Variants in NTRK2 observed in about 807,000 individuals in gnomAD.
NTRK2 encodes neurotrophic receptor tyrosine kinase 2, also known as BDNF/NT-3 growth factors receptor.
A neutral mutation model predicts 94.5 loss-of-function variants in NTRK2; 13 were observed. The ratio of observed to expected loss-of-function variants is 0.14; its 90% confidence interval spans 0.09 to 0.22. The LOEUF is 0.22. Among genes scored for constraint, NTRK2 ranks in the 10% least tolerant of loss-of-function variants. NTRK2 has a pLI of 1.00. For synonymous variants in NTRK2, 372 were observed against 407.4 expected (o/e 0.91, Z 1.05); for missense variants, 639 against 1,071.2 (o/e 0.60, Z 5.63).
chr9:84,675,933 G>C (rs994350287), intron 2 of NTRK2, among the ~76,000 whole-genome samples: 1 of 152,186 alleles, frequency 6.6e-6, no homozygotes, highest in Non-Finnish European at 1.5e-5. Context: ...GGACTGGGAA[G>C]TTATAAATAT....
intron 12 of NTRK2, among the ~76,000 whole-genome samples, chr9:84,752,665 G>A (rs1037294995): frequency 1.3e-5 from 2 of 152,122 alleles, no homozygotes; most frequent in African/African-American, 2.4e-5. Context: ...GGCACTAATT[G>A]ACCCAAAATA....
At chr9:84,738,092 A>G (rs2063382581) in intron 9 of NTRK2, among the ~76,000 whole-genome samples, 1 of 151,126 alleles carries the variant, frequency 6.6e-6, no homozygotes, top group African/African-American at 2.5e-5. Flanking sequence ...AGTGGGTTGA[A>G]TAGAGTTCCT....
chr9:84,930,348 G>A (rs899930152), intron 14 of NTRK2, among the ~76,000 whole-genome samples: 1 of 152,178 alleles, frequency 6.6e-6, no homozygotes, highest in African/African-American at 2.4e-5. Flanking sequence ...GCACTGGTAG[G>A]GTGGAGAGGG....
chr9:84,934,252 A>G lies in NTRK2; in HGVS notation c.1724A>G (p.Asn575Ser), dbSNP rs2132720227. The change falls in exon 15 of 19, where the codon AAC (asparagine) becomes AGC (serine). Residue 575 changes from asparagine to serine, a missense_variant. Asn to Ser is a conservative substitution (Grantham distance 46). Transcript: ENST00000277120. ...FGKVFLAECYNLCPEQDKILV... is the reference protein window; with the variant it reads ...FGKVFLAECYSLCPEQDKILV... ...AAAGTGTTCCTAGCTGAATGCTATA[A>G]CCTCTGTCCTGAGCAGGACAAGATC... 1 of 1,613,988 alleles carries G rather than the reference A, an allele frequency of 6.2e-7. No individual in the cohort carries two copies. The highest frequency in any genetic ancestry group is 8.5e-7 in the Non-Finnish European group (1 of 1,179,928).
At chr9:84,800,761 G>A (rs1050143299) in intron 12 of NTRK2, among the ~76,000 whole-genome samples, 1 of 152,144 alleles carries the variant, frequency 6.6e-6, no homozygotes, top group African/African-American at 2.4e-5. Context: ...CTTACCTCCC[G>A]AGAGGGGTCA....
At chr9:84,798,301 A>G (rs1050824749) in intron 12 of NTRK2, among the ~76,000 whole-genome samples, 29 of 152,130 alleles carry the variant, frequency 1.9e-4, no homozygotes, top group Non-Finnish European at 2.8e-4. Context: ...TGTTAATATC[A>G]TCACACTGGG....
At chr9:84,714,828 G>A (rs1171678273) in intron 6 of NTRK2, among the ~76,000 whole-genome samples, 1 of 151,954 alleles carries the variant, frequency 6.6e-6, no homozygotes, top group Non-Finnish European at 1.5e-5. Context: ...ACTTTTTTTG[G>A]GGGTAAAACT....
intron 17 of NTRK2, among the ~76,000 whole-genome samples, chr9:84,966,496 A>G (rs1406054489): frequency 6.6e-6 from 1 of 152,182 alleles, no homozygotes; most frequent in African/African-American, 2.4e-5. Context: ...TAATGGCACA[A>G]TATCAGTTCA....
intron 5 of NTRK2, among the ~76,000 whole-genome samples, chr9:84,710,306 T>C (rs1312525347): frequency 3.9e-5 from 6 of 152,216 alleles, no homozygotes; most frequent in African/African-American, 1.4e-4. Context: ...AACTCTATAA[T>C]AACCATGATA....
At position 84,933,164 on chromosome 9, in the gene NTRK2, T is replaced by A. The variant is rs1213532214; in HGVS notation, c.1634-998T>A. 2.0e-5 allele frequency among the ~76,000 whole-genome samples: 3 copies of A among 152,186 alleles called. 1 individual carries two copies. Among genetic ancestry groups the A allele is most frequent in the Admixed American group, 2.0e-4 (3 of 15,280 alleles). On this transcript the variant is annotated intron_variant, in intron 14 of 18. Transcript: ENST00000277120. ...ACAATCTCTTTTTAATGCACTACCA[T>A]TCAGCAACAAGGAGTTCAGAAAATA...
At chr9:84,975,548 G>C (rs114454689) in intron 17 of NTRK2, among the ~76,000 whole-genome samples, 105 of 152,348 alleles carry the variant, frequency 6.9e-4, no homozygotes, top group African/African-American at 2.5e-3. Flanking sequence ...CAGTGCAGCA[G>C]CCGCTGTCCT....
intron 2 of NTRK2, among the ~76,000 whole-genome samples, chr9:84,674,626 G>A (rs1020799907): frequency 2.6e-5 from 4 of 152,118 alleles, no homozygotes; most frequent in Non-Finnish European, 5.9e-5. Flanking sequence ...TTTGGAGCAC[G>A]GTTACATAAG....
chr9:84,707,185 TATATC>T (rs2061158265), intron 4 of NTRK2, among the ~76,000 whole-genome samples: 1 of 152,200 alleles, frequency 6.6e-6, no homozygotes, highest in Non-Finnish European at 1.5e-5. Flanking sequence ...TAGTCACAAA[TATATC>T]TTTTTATTGT....
chr9:84,756,687 C>G (rs1174499994), intron 12 of NTRK2, among the ~76,000 whole-genome samples: 4 of 152,226 alleles, frequency 2.6e-5, no homozygotes, highest in African/African-American at 9.6e-5. Context: ...AAGCTTTCTT[C>G]TCATTCAGTG....
At chr9:84,877,275 C>T (rs1356350065) in intron 14 of NTRK2, 2 of 1,065,784 alleles carry the variant, frequency 1.9e-6, no homozygotes, top group South Asian at 4.5e-5. Context: ...GGATTCATGT[C>T]ATTGAGGGCC....
At chr9:84,761,895 A>G (rs2132657964) in intron 12 of NTRK2, among the ~76,000 whole-genome samples, 1 of 152,282 alleles carries the variant, frequency 6.6e-6, no homozygotes, top group Middle Eastern at 3.4e-3. Context: ...CCCAAATATC[A>G]TCTTGAATTG....
rs972864000 is a variant in NTRK2 at position 84,968,431 on chromosome 9, G to A, written c.2172+12914G>A. On this transcript the variant is annotated intron_variant, in intron 17 of 18. Transcript: ENST00000277120. ...CTGTGTTGGTTGCAAGAAGAAAAGG[G>A]ATACTCCAAATTTCAGAACCATGGC... is the stretch of plus-strand genomic sequence containing the variant. 3.3e-5 allele frequency among the ~76,000 whole-genome samples: 5 copies of A among 152,178 alleles called. No individual in the cohort carries two copies. The East Asian group carries it at 7.7e-4, about 23-fold the overall frequency.
At chr9:84,848,079 CAGAGAGAGAGAGAG>C (rs3029704) in intron 12 of NTRK2, among the ~76,000 whole-genome samples, 6 of 144,252 alleles carry the variant, frequency 4.2e-5, no homozygotes, top group South Asian at 2.4e-4. Context: ...TAGAGAGGGG[CAGAGAGAGAGAGAG>C]AGAGAGAGAG....
chr9:84,763,448 G>T (rs1330198950), intron 12 of NTRK2, among the ~76,000 whole-genome samples: 1 of 151,444 alleles, frequency 6.6e-6, no homozygotes, highest in African/African-American at 2.4e-5. Flanking sequence ...CATCATATAT[G>T]TGGATCTTGG....
Sources: gnomAD v4.1 joint callset for allele counts (sites outside exome capture counted in the v4.1 genomes callset) on GRCh38, gnomAD v4.1.1 for gene constraint, MANE v1.5 for transcripts, NCBI Gene and HGNC (gene_info 2026-07-23, HGNC 2026-07-21) for gene names.